Variants in PIK3C3 observed in about 807,000 individuals in gnomAD.
The protein encoded by PIK3C3 is phosphatidylinositol 3-kinase catalytic subunit type 3.
A neutral mutation model predicts 126.1 loss-of-function variants in PIK3C3; 95 were observed. The ratio of observed to expected loss-of-function variants is 0.75; its 90% CI spans 0.64 to 0.89. The LOEUF is 0.89. Ranked by LOEUF, PIK3C3 falls within the 40% of genes least tolerant of loss-of-function variation. PIK3C3 has a pLI of 0.00. For missense variants in PIK3C3, 829 were observed against 1,063.2 expected, an observed-to-expected ratio of 0.78 and a Z score of 3.06; for synonymous variants, 374 against 360.0, an observed-to-expected ratio of 1.04 and a Z score of -0.44.
chr18:42,005,127 A>T (rs368086284), intron 10 of PIK3C3, among the ~76,000 whole-genome samples: 1 of 152,214 alleles, frequency 6.6e-6, no homozygotes, highest in East Asian at 1.9e-4. Context: ...TCAGTTAATG[A>T]CAGGGAAGTG....
intron 4 of PIK3C3, among the ~76,000 whole-genome samples, chr18:41,977,062 T>A (rs921483789): frequency 2.4e-4 from 36 of 152,292 alleles, no homozygotes; most frequent in African/African-American, 8.4e-4. Context: ...AAAAGGTAGA[T>A]AGAATATGAA....
At chr18:41,966,079 G>T (rs17661356) in intron 3 of PIK3C3, among the ~76,000 whole-genome samples, 1 of 151,684 alleles carries the variant, frequency 6.6e-6, no homozygotes, top group African/African-American at 2.4e-5. Flanking sequence ...CACTGATTGC[G>T]TGAAATTATC....
rs533083629 is a variant in PIK3C3 at position 42,086,326 on chromosome 18, C to T, written c.*5189C>T. The T allele has an allele frequency of 3.3e-5, 5 of 152,408 alleles. No homozygotes were observed. The highest frequency in any genetic ancestry group is 5.9e-5 in the Non-Finnish European group (4 of 68,156). The allele number at this position is 152,408 out of a possible 1,614,324, so 9.4% of individuals were successfully genotyped here. A position where few individuals can be genotyped will look rare whatever the true frequency, so the allele number is the denominator to read the frequency against. On this transcript the variant is annotated 3_prime_UTR_variant, in exon 25 of 25. Coordinates refer to ENST00000262039, the MANE Select transcript of PIK3C3 (RefSeq NM_002647.4). ...GGTCTTACCCACATACAGCTCGGTA[C>T]AACTGCATTTCCCCAAACCTCAGAA... is the stretch of plus-strand genomic sequence containing the variant.
At chr18:42,005,024 T>C (rs1030098334) in intron 10 of PIK3C3, among the ~76,000 whole-genome samples, 1 of 152,180 alleles carries the variant, frequency 6.6e-6, no homozygotes, top group African/African-American at 2.4e-5. Flanking sequence ...CTGATGACAA[T>C]TATATGTATA....
intron 2 of PIK3C3, 46 bp downstream of exon 2, chr18:41,957,804 T>C: frequency 7.2e-7 from 1 of 1,391,002 alleles, no homozygotes; most frequent in Non-Finnish European, 9.9e-7. Context: ...TGTTCTTACC[T>C]TTCTTTATGG....
chr18:41,985,988 G>A (rs667346), intron 4 of PIK3C3, among the ~76,000 whole-genome samples: 12,618 of 152,160 alleles, frequency 0.083, 1,706 homozygotes, highest in African/African-American at 0.28. Context: ...TAGGAAATTA[G>A]CAGTGGATCA....
chr18:42,063,650 T>G (rs1985414094), intron 22 of PIK3C3, among the ~76,000 whole-genome samples: 1 of 152,304 alleles, frequency 6.6e-6, no homozygotes, highest in East Asian at 1.9e-4. Flanking sequence ...GAAACTTATA[T>G]GGATAGTCAT....
At chr18:41,990,001 C>G (rs1981696338) in intron 5 of PIK3C3, among the ~76,000 whole-genome samples, 1 of 152,136 alleles carries the variant, frequency 6.6e-6, no homozygotes, top group African/African-American at 2.4e-5. Context: ...CAAATGGCCT[C>G]TGTTCTTAGG....
In PIK3C3 at chr18:42,020,576, A is replaced by G. The variant is rs796679587; in HGVS notation, c.1417-62A>G. ...AAAACTGATAGGCAAATGTAAACTT[A>G]CTTATTTTCCCCCATTACTAGTAGA... On this transcript the variant is annotated intron_variant, in intron 12 of 24. Coordinates refer to ENST00000262039, the MANE Select transcript of PIK3C3 (RefSeq NM_002647.4). The G allele has an allele frequency of 6.7e-6, 7 of 1,046,830 alleles. No homozygotes were observed. In the African/African-American group the frequency reaches 1.1e-4, roughly 17 times the overall value. The allele number at this position is 1,046,830 out of a possible 1,614,324, so 64.8% of individuals were successfully genotyped here. A position where few individuals can be genotyped will look rare whatever the true frequency, so the allele number is the denominator to read the frequency against.
intron 24 of PIK3C3, among the ~76,000 whole-genome samples, chr18:42,076,118 A>ATATATATATATATATATC (rs1985983549): frequency 1.5e-5 from 1 of 66,678 alleles, no homozygotes. Context: ...ATATATATAT[A>ATATATATATATATATATC]TATGCGCATA....
chr18:41,987,706 T>C lies in PIK3C3; in HGVS notation c.532-106T>C. On this transcript the variant is annotated intron_variant, in intron 4 of 24. Transcript: ENST00000262039. ...CTAATTGCGTATGGTTTCTATTGTG[T>C]ATAGGAAAGTATCATATGTGAAGTG... 7.2e-6 allele frequency: 5 copies of C among 697,936 alleles called. No homozygotes were observed. In the Middle Eastern group the frequency reaches 1.1e-3, roughly 148 times the overall value. 43.2% of individuals were successfully genotyped at this position (697,936 alleles called of 1,614,324 possible). A position where few individuals can be genotyped will look rare whatever the true frequency, so the allele number is the denominator to read the frequency against.
intron 4 of PIK3C3, among the ~76,000 whole-genome samples, chr18:41,986,546 G>C (rs1981486397): frequency 6.6e-6 from 1 of 152,022 alleles, no homozygotes; most frequent in African/African-American, 2.4e-5. Context: ...GACATAGTTT[G>C]AAAATGGAGT....
At chr18:42,010,733 C>T (rs964629489) in intron 10 of PIK3C3, among the ~76,000 whole-genome samples, 3 of 152,114 alleles carry the variant, frequency 2.0e-5, no homozygotes, top group Non-Finnish European at 4.4e-5. Flanking sequence ...TTTGACCTTC[C>T]CCCATGAAGC....
In PIK3C3 at chr18:42,081,181, C is replaced by T. The variant is rs543422658; in HGVS notation, c.*44C>T. On this transcript the variant is annotated 3_prime_UTR_variant, in exon 25 of 25. Coordinates refer to ENST00000262039, the MANE Select transcript of PIK3C3 (RefSeq NM_002647.4). Reference sequence around the variant, plus strand: ...AAGATGCTTGGCTCAATAAGAAAACCACGTTAGGAGCAACCTTTGTATATT... The same window carrying T: ...AAGATGCTTGGCTCAATAAGAAAACTACGTTAGGAGCAACCTTTGTATATT... 4.2e-5 allele frequency: 62 copies of T among 1,458,962 alleles called. 1 individual carries two copies. The South Asian group carries it at 6.7e-4, about 16-fold the overall frequency. 90.4% of individuals were successfully genotyped at this position (1,458,962 alleles called of 1,614,324 possible). A position where few individuals can be genotyped will look rare whatever the true frequency, so the allele number is the denominator to read the frequency against.
At position 42,085,277 on chromosome 18, in the gene PIK3C3, C is replaced by G. The variant is rs2144550158; in HGVS notation, c.*4140C>G. 6.6e-6 allele frequency: 1 copy of G among 152,016 alleles called. No individual in the cohort carries two copies. Among genetic ancestry groups the G allele is most frequent in the Non-Finnish European group, 1.5e-5 (1 of 67,946 alleles). 9.4% of individuals were successfully genotyped at this position (152,016 alleles called of 1,614,324 possible). A position where few individuals can be genotyped will look rare whatever the true frequency, so the allele number is the denominator to read the frequency against. ...CCCTGAGGGTAGATAACCCATATTC[C>G]AAAATACAGTATTATTTTCATTTGC... On this transcript the variant is annotated 3_prime_UTR_variant, in exon 25 of 25. Transcript: ENST00000262039.
chr18:42,023,503 A>C (rs1983420565), intron 13 of PIK3C3, among the ~76,000 whole-genome samples: 1 of 152,228 alleles, frequency 6.6e-6, no homozygotes, highest in Non-Finnish European at 1.5e-5. Flanking sequence ...TTCCCACTAT[A>C]TCTCTGATTC....
chr18:42,009,019 G>C (rs1297524778), intron 10 of PIK3C3, among the ~76,000 whole-genome samples: 3 of 152,024 alleles, frequency 2.0e-5, no homozygotes. Flanking sequence ...TCCGAATGAA[G>C]GCTGGCAGTG....
chr18:41,989,401 G>A (rs1206205246), intron 5 of PIK3C3, among the ~76,000 whole-genome samples: 2 of 151,988 alleles, frequency 1.3e-5, no homozygotes, highest in Admixed American at 1.3e-4. Context: ...TTATAAAGGT[G>A]TTTTGGGTCA....
intron 1 of PIK3C3, among the ~76,000 whole-genome samples, chr18:41,956,678 A>G (rs546107079): frequency 6.8e-6 from 1 of 147,868 alleles, no homozygotes; most frequent in South Asian, 2.1e-4. Flanking sequence ...TATCTGGGGT[A>G]CTAAGTCCCT....
Sources: gnomAD v4.1 joint callset for allele counts (sites outside exome capture counted in the v4.1 genomes callset) on GRCh38, gnomAD v4.1.1 for gene constraint, MANE v1.5 for transcripts, NCBI Gene and HGNC (gene_info 2026-07-23, HGNC 2026-07-21) for gene names.